Variants in HNRNPH1 observed in about 807,000 individuals in gnomAD.
The protein encoded by HNRNPH1 is heterogeneous nuclear ribonucleoprotein H.
A neutral mutation model predicts 58.6 loss-of-function variants in HNRNPH1; 4 were observed. That is an observed-to-expected ratio of 0.07 (90% CI 0.03 to 0.16). HNRNPH1 has a LOEUF of 0.16. HNRNPH1 is among the 10% of genes least tolerant of loss of function. The pLI is 1.00. For synonymous variants in HNRNPH1, 192 were observed against 189.2 expected (o/e 1.01, Z -0.12); for missense variants, 271 against 564.2 (o/e 0.48, Z 5.26).
rs568450529 is a variant in HNRNPH1 at position 179,623,386 on chromosome 5, G to T, written c.-253C>A. On this transcript the variant is annotated 5_prime_UTR_variant, in exon 1 of 13. Coordinates refer to ENST00000356731, the Ensembl canonical transcript of HNRNPH1. Reference sequence around the variant, plus strand: ...GTGGGGGCCCGGGCCGAGAGCCAGCGTAGAGGAAAGGAAATGGCGGCGGCC... The same window carrying T: ...GTGGGGGCCCGGGCCGAGAGCCAGCTTAGAGGAAAGGAAATGGCGGCGGCC... 3.0e-4 allele frequency: 90 copies of T among 295,152 alleles called. No homozygotes were observed. In the South Asian group the frequency reaches 3.3e-3, roughly 11 times the overall value. 18.3% of individuals were successfully genotyped at this position (295,152 alleles called of 1,614,324 possible). A position where few individuals can be genotyped will look rare whatever the true frequency, so the allele number is the denominator to read the frequency against.
exon 1 of HNRNPH1, chr5:179,624,336 G>A (rs1305234791): frequency 7.6e-6 from 3 of 395,292 alleles, no homozygotes; most frequent in East Asian, 3.6e-5. Flanking sequence ...TCGGGCCTAG[G>A]GCCCCGGTCG....
chr5:179,634,069 T>A (rs1775063778), exon 2 of HNRNPH1: 1 of 151,148 alleles, frequency 6.6e-6, no homozygotes, highest in East Asian at 2.0e-4. Context: ...GCTCACCTTT[T>A]GTTCCATCCC....
exon 10 of HNRNPH1, chr5:179,616,877 A>G (rs1770017885): frequency 6.2e-7 from 1 of 1,614,042 alleles, no homozygotes; most frequent in Non-Finnish European, 8.5e-7. Flanking sequence ...ACACAAGCCC[A>G]TGCCTCCCAT....
At chr5:179,615,365 T>C in intron 12 of HNRNPH1, 181 bp downstream of exon 13, 1 of 505,456 alleles carries the variant, frequency 2.0e-6, no homozygotes, top group South Asian at 3.8e-5. Context: ...GGAAGTCTCT[T>C]GCTTTTCCTA....
At chr5:179,619,607 C>A in intron 3 of HNRNPH1, 200 bp from the exon 5 acceptor site, 1 of 475,348 alleles carries the variant, frequency 2.1e-6, no homozygotes, top group Non-Finnish European at 3.7e-6. Context: ...TTAACACACC[C>A]ATGGTACAGT....
At chr5:179,615,276 CA>C (rs1308334467) in intron 12 of HNRNPH1, 1 of 443,822 alleles carries the variant, frequency 2.3e-6, no homozygotes, top group Non-Finnish European at 4.0e-6. Context: ...TAAAGCTAAA[CA>C]AGGCATTTTT....
intron 3 of HNRNPH1, 173 bp from the exon 5 acceptor site, chr5:179,619,580 A>T (rs1231061612): frequency 3.6e-6 from 2 of 554,152 alleles, no homozygotes; most frequent in Admixed American, 7.1e-5. Flanking sequence ...TTCCATTATT[A>T]TAAAGTATAA....
intron 11 of HNRNPH1, chr5:179,615,924 G>C (rs577499204): frequency 7.4e-6 from 4 of 543,046 alleles, no homozygotes; most frequent in African/African-American, 5.7e-5. Flanking sequence ...AAATTAGCTA[G>C]TAAAAACAGT....
chr5:179,625,584 A>T (rs1310966474), upstream of HNRNPH1, among the ~76,000 whole-genome samples: 4 of 151,006 alleles, frequency 2.6e-5, no homozygotes, highest in African/African-American at 9.8e-5. Context: ...ACTTAAACCC[A>T]GGAGGCAGCA....
intron 1 of HNRNPH1, chr5:179,621,712 G>C: frequency 2.4e-6 from 1 of 409,138 alleles, no homozygotes; most frequent in Non-Finnish European, 4.6e-6. Context: ...TATCAAGCCT[G>C]GACTGTGTGA....
chr5:179,622,098 C>A (rs1772679909), intron 1 of HNRNPH1: 1 of 418,252 alleles, frequency 2.4e-6, no homozygotes, highest in Non-Finnish European at 4.7e-6. Context: ...CAAGGACATT[C>A]TGATAGAAAA....
At chr5:179,622,036 C>A (rs888393480) in intron 1 of HNRNPH1, 12 of 454,464 alleles carry the variant, frequency 2.6e-5, no homozygotes, top group African/African-American at 2.2e-4. Context: ...TAATTTCATC[C>A]AAATAGAATT....
chr5:179,614,704 A>G, exon 13 of HNRNPH1: 2 of 585,730 alleles, frequency 3.4e-6, no homozygotes, highest in Non-Finnish European at 6.0e-6. Flanking sequence ...AAGTCTTCAT[A>G]ACAATCCTGA....
At position 179,618,104 on chromosome 5, in the gene HNRNPH1, AG is replaced by A. The variant is rs370278680; in HGVS notation, c.715+40del. ...TCAATCAAATAAAACACCTAGACAA[AG>A]GAACAGACGACTTGCCGAACCTTAC... is the stretch of plus-strand genomic sequence containing the variant. On this transcript the variant is annotated intron_variant, in intron 5 of 12. Transcript: ENST00000356731. 5.1e-4 allele frequency: 817 copies of A among 1,613,534 alleles called. 11 individuals carry two copies. The African/African-American group carries it at 9.6e-3, about 19-fold the overall frequency.
intron 3 of HNRNPH1, chr5:179,620,550 C>T (rs1297173883): frequency 1.5e-5 from 3 of 198,742 alleles, no homozygotes; most frequent in East Asian, 1.4e-4. Flanking sequence ...CCTAATTCAT[C>T]GCACTGATGA....
chr5:179,614,784 GAAA>G (rs35827689), exon 13 of HNRNPH1: 62,195 of 439,752 alleles, frequency 0.14, 883 homozygotes, highest in Middle Eastern at 0.16. Flanking sequence ...TTTTCTTAAA[GAAA>G]AAAAAAAAAA....
chr5:179,616,219 CTGT>C lies in HNRNPH1; in HGVS notation c.1208-4_1208-2del. On this transcript the variant is annotated splice_acceptor_variant and splice_polypyrimidine_tract_variant and intron_variant, in intron 10 of 12. Coordinates refer to ENST00000356731, the Ensembl canonical transcript of HNRNPH1. LOFTEE classifies it high-confidence loss of function. ...GGGCCCCCGTAGCTGGACTGGTTTGCTGTTAAGTTAAGAAAACATTAGAACCTT... is the reference window on the plus strand; with the variant it reads ...GGGCCCCCGTAGCTGGACTGGTTTGCTAAGTTAAGAAAACATTAGAACCTT... 3.1e-6 allele frequency: 5 copies of C among 1,613,388 alleles called. No individual in the cohort carries two copies. The highest frequency in any genetic ancestry group is 4.2e-6 in the Non-Finnish European group (5 of 1,179,384).
rs1279842621 is a variant in HNRNPH1, at chr5:179,633,470, T to A, written c.-32+595A>T. ...GCCCCACACCCGGCTAATTTTTTTT[T>A]TTTTTTTTTTTTTTTGTATTTTTAG... On this transcript the variant is annotated intron_variant, in intron 2 of 4. Transcript: ENST00000521116. 1.4e-4 allele frequency among the ~76,000 whole-genome samples: 20 copies of A among 145,188 alleles called. No homozygotes were observed. In the East Asian group the frequency reaches 3.3e-3, roughly 24 times the overall value.
intron 10 of HNRNPH1, 150 bp from the exon 12 acceptor site, chr5:179,616,368 G>A (rs1039324558): frequency 3.2e-5 from 21 of 663,742 alleles, no homozygotes; most frequent in Non-Finnish European, 5.1e-5. Context: ...TCTATAACCA[G>A]GCCACCCTTC....
Sources: gnomAD v4.1 joint callset for allele counts (sites outside exome capture counted in the v4.1 genomes callset) on GRCh38, gnomAD v4.1.1 for gene constraint, MANE v1.5 for transcripts, NCBI Gene and HGNC (gene_info 2026-07-23, HGNC 2026-07-21) for gene names.